KCNG3: variants seen among roughly 807,000 people sequenced by gnomAD.
The protein encoded by KCNG3 is potassium voltage-gated channel modifier subfamily G member 3.
Under a neutral mutation model 29.0 loss-of-function variants are expected in KCNG3, and 15 were observed. The observed-to-expected ratio is 0.52, with a 90% CI of 0.35 to 0.80. The LOEUF is 0.80. Among genes scored for constraint, KCNG3 ranks in the 30% least tolerant of loss-of-function variants. The pLI is 0.01. For missense variants in KCNG3, 512 were observed against 605.7 expected (o/e 0.85, Z 1.62); for synonymous variants, 322 against 248.9 (o/e 1.29, Z -2.76).
chr2:42,417,009 G>C, the KCNG3 span, among the ~76,000 whole-genome samples: 1 of 152,100 alleles, frequency 6.6e-6, no homozygotes, highest in African/African-American at 2.4e-5. Flanking sequence ...AGCACTTTGG[G>C]AGGCTGAGGT....
At chr2:42,424,626 A>G in the KCNG3 span, among the ~76,000 whole-genome samples, 1 of 152,168 alleles carries the variant, frequency 6.6e-6, no homozygotes, top group Non-Finnish European at 1.5e-5. Context: ...TAAAATATAA[A>G]GAAGAACTCA....
At chr2:42,484,433 G>C (rs1673670017) in intron 1 of KCNG3, among the ~76,000 whole-genome samples, 1 of 152,196 alleles carries the variant, frequency 6.6e-6, no homozygotes, top group African/African-American at 2.4e-5. Flanking sequence ...CTGCACTCCA[G>C]CCTGGCAACA....
rs144510995 is a variant in KCNG3 at position 42,450,393 on chromosome 2, G to A, written c.666-5814C>T. On this transcript the variant is annotated intron_variant, in intron 1 of 1. Coordinates refer to ENST00000306078, the MANE Select transcript of KCNG3 (RefSeq NM_133329.6). ...TCTAGCAACAAACACCACCAAGCCT[G>A]CCAAAATTCCTCATGTTTCCAAATG... 5.4e-4 allele frequency among the ~76,000 whole-genome samples: 82 copies of A among 152,274 alleles called. 1 individual carries two copies. The highest frequency in any genetic ancestry group is 1.1e-3 in the Non-Finnish European group (73 of 68,032).
At position 42,462,959 on chromosome 2, in the gene KCNG3, A is replaced by G. The variant is rs145077896; in HGVS notation, c.666-18380T>C. ...TACAGCTAAAAGGACCTTTTTTGGA[A>G]TTGGGTTTCTTCTGTATGTCTGAAA... On this transcript the variant is annotated intron_variant, in intron 1 of 1. Coordinates refer to ENST00000306078, the MANE Select transcript of KCNG3 (RefSeq NM_133329.6). Among the ~76,000 whole-genome samples, 380 of 152,164 alleles carry G rather than the reference A, an allele frequency of 2.5e-3. 2 individuals carry two copies. Among genetic ancestry groups the G allele is most frequent in the African/African-American group, 7.7e-3 (319 of 41,534 alleles).
At position 42,493,369 on chromosome 2, in the gene KCNG3, G is replaced by A; in HGVS notation, c.133C>T (p.Arg45Cys). 2 of 1,563,744 alleles carry A rather than the reference G, an allele frequency of 1.3e-6. No individual in the cohort carries two copies. The highest frequency in any genetic ancestry group is 1.7e-6 in the Non-Finnish European group (2 of 1,154,494). The change falls in exon 1 of 2, where the codon CGC becomes TGC. Residue 45 changes from arginine (R) to cysteine (C), a missense_variant. This residue lies in a region of KCNG3 where 91 missense variants were observed against 91.1 expected (regional missense o/e 1.00). Transcript: ENST00000306078. ...TCGTCGCACACCTCGAGCACGTCGC[G>A]CTCGGAGCGGCAGCCGTGCAGCCGG... Reference protein sequence around the residue: ...VSRLHGCRSERDVLEVCDDYD... With the variant: ...VSRLHGCRSECDVLEVCDDYD...
the KCNG3 span, among the ~76,000 whole-genome samples, chr2:42,415,305 A>G: frequency 1.3e-5 from 2 of 152,198 alleles, no homozygotes; most frequent in Non-Finnish European, 2.9e-5. Flanking sequence ...CAAGACAAGC[A>G]TCTTATTTCT....
chr2:42,460,156 G>A (rs1294811851), intron 1 of KCNG3, among the ~76,000 whole-genome samples: 5 of 151,928 alleles, frequency 3.3e-5, no homozygotes, highest in Non-Finnish European at 4.4e-5. Context: ...TTGAAGCCAG[G>A]AGTATGAGAC....
chr2:42,489,691 G>C (rs1673824565), intron 1 of KCNG3, among the ~76,000 whole-genome samples: 1 of 143,662 alleles, frequency 7.0e-6, no homozygotes, highest in South Asian at 2.3e-4. Context: ...GCTAGGCATT[G>C]CACAGTAAGG....
Position 42,493,797 on chromosome 2 carries a change from C to G in KCNG3, c.-296G>C, listed in dbSNP as rs867769693. ...AACGCGGCTGTGTCCGCGCCGCCGA[C>G]CCTCGCGCCCGAGGGCTGCGCACAC... On this transcript the variant is annotated 5_prime_UTR_variant, in exon 1 of 2. Transcript: ENST00000306078. 2.3e-5 allele frequency: 6 copies of G among 266,574 alleles called. No individual in the cohort carries two copies. Among genetic ancestry groups the G allele is most frequent in the South Asian group, 3.4e-4 (2 of 5,874 alleles). The allele number at this position is 266,574 out of a possible 1,614,324, so 16.5% of individuals were successfully genotyped here.
Position 42,444,166 on chromosome 2 carries a change from A to C in KCNG3, c.1079T>G (p.Ile360Ser). 1 of 1,614,228 alleles carries C rather than the reference A, an allele frequency of 6.2e-7. No homozygotes were observed. ...LETSNKDFTS[I>S]PAACWWVIIS... ...AATCACCCACCAGCAGGCAGCAGGA[A>C]TGCTGGTAAAGTCCTTGTTGGATGT... The change falls in exon 2 of 2, where the codon ATT becomes AGT. Residue 360 changes from isoleucine to serine, a missense_variant. Physicochemically the swap from Ile to Ser is moderately radical, Grantham distance 142 (BLOSUM62 -2). Coordinates refer to ENST00000306078, the MANE Select transcript of KCNG3 (RefSeq NM_133329.6). This position sits in a 1 kb window ranked among gnomAD's most constrained non-coding sequence, Gnocchi z 5.8.
chr2:42,424,117 A>C, the KCNG3 span, among the ~76,000 whole-genome samples: 1 of 152,234 alleles, frequency 6.6e-6, no homozygotes, highest in African/African-American at 2.4e-5. Context: ...TACTTTCTGC[A>C]AAGTAAAACG....
chr2:42,492,068 C>A (rs932395367), intron 1 of KCNG3, among the ~76,000 whole-genome samples: 13 of 152,170 alleles, frequency 8.5e-5, no homozygotes, highest in African/African-American at 3.1e-4. Context: ...GCAATATTTT[C>A]CCATTCATCC....
the KCNG3 span, among the ~76,000 whole-genome samples, chr2:42,424,447 A>C: frequency 2.6e-5 from 4 of 152,006 alleles, no homozygotes; most frequent in Admixed American, 2.0e-4. Flanking sequence ...AAAAAAAAAA[A>C]AAAAACCCAA....
chr2:42,467,773 C>T (rs1673178655), intron 1 of KCNG3, among the ~76,000 whole-genome samples: 2 of 151,732 alleles, frequency 1.3e-5, no homozygotes, highest in Non-Finnish European at 2.9e-5. Flanking sequence ...AGTTCAAGAC[C>T]AGCCTGGACA....
At chr2:42,480,118 G>C (rs1291581807) in intron 1 of KCNG3, among the ~76,000 whole-genome samples, 1 of 152,120 alleles carries the variant, frequency 6.6e-6, no homozygotes, top group Non-Finnish European at 1.5e-5. Flanking sequence ...TGTTCTACCA[G>C]AACTATCATG....
the KCNG3 span, among the ~76,000 whole-genome samples, chr2:42,410,287 A>T: frequency 6.6e-6 from 1 of 152,194 alleles, no homozygotes; most frequent in Non-Finnish European, 1.5e-5. Context: ...ATGTCAGTTC[A>T]TACATGTGTG....
intron 1 of KCNG3, chr2:42,463,326 GTAGTGAGTGTTATTGT>G (rs76601002): frequency 0.86 from 151,282 of 176,612 alleles, 64,863 homozygotes; most frequent in Middle Eastern, 0.93. Context: ...CTTGCCTGCT[GTAGTGAGTGTTATTGT>G]TTCCTGATGA....
intron 1 of KCNG3, among the ~76,000 whole-genome samples, chr2:42,491,404 GTTTCC>G (rs1269902508): frequency 6.6e-6 from 1 of 151,506 alleles, no homozygotes; most frequent in Non-Finnish European, 1.5e-5. Flanking sequence ...CAATTCTCCT[GTTTCC>G]TTTGCTAATG....
intron 1 of KCNG3, among the ~76,000 whole-genome samples, chr2:42,488,467 T>G (rs1394454500): frequency 5.9e-5 from 9 of 152,056 alleles, no homozygotes; most frequent in African/African-American, 1.7e-4. Context: ...CTTCAACTCC[T>G]GGGCTCAGGT....
Sources: allele counts gnomAD v4.1 joint callset (sites outside exome capture counted in the v4.1 genomes callset), GRCh38; gene constraint gnomAD v4.1.1; regional missense constraint gnomAD v4.1.1; non-coding constraint Gnocchi (gnomAD v3.1); transcripts MANE v1.5; gene names NCBI Gene and HGNC (gene_info 2026-07-23, HGNC 2026-07-21).